The following LIN52 variants were observed in gnomAD, a reference collection of about 807,000 sequenced individuals.
LIN52 encodes the protein protein lin-52 homolog.
In LIN52, 4 loss-of-function variants were observed where a neutral mutation model predicts 18.5. The ratio of observed to expected loss-of-function variants is 0.22; its 90% CI spans 0.11 to 0.49. The LOEUF (loss-of-function observed/expected upper bound fraction) is 0.49, where lower values mean the gene tolerates loss of function less well. Ranked by LOEUF, LIN52 falls within the 20% of genes least tolerant of loss-of-function variation. The pLI is 0.97. For missense variants in LIN52, 102 were observed against 139.5 expected (o/e 0.73, Z 1.35); for synonymous variants, 34 against 45.5 (o/e 0.75, Z 1.02).
chr14:74,133,024 A>AC (rs1461333837), intron 5 of LIN52, among the ~76,000 whole-genome samples: 1 of 152,102 alleles, frequency 6.6e-6, no homozygotes, highest in African/African-American at 2.4e-5. Flanking sequence ...TAAAAAAAAA[A>AC]ACAACCCATT....
chr14:74,123,780 A>C (rs948995214), intron 5 of LIN52, among the ~76,000 whole-genome samples: 1 of 152,180 alleles, frequency 6.6e-6, no homozygotes, highest in Non-Finnish European at 1.5e-5. Context: ...CCAAAAGACC[A>C]TGGCTTCTGT....
intron 5 of LIN52, among the ~76,000 whole-genome samples, chr14:74,103,896 CTT>C (rs754478392): frequency 5.8e-5 from 8 of 138,912 alleles, no homozygotes; most frequent in Admixed American, 7.2e-5. Flanking sequence ...CTTTTTCTTT[CTT>C]TTTTTTTTTT....
chr14:74,103,733 G>GTTTTTTTTTTT (rs573188668), intron 5 of LIN52, among the ~76,000 whole-genome samples: 1 of 46,024 alleles, frequency 2.2e-5, no homozygotes, highest in Non-Finnish European at 4.0e-5. Context: ...GGCCTGGCCA[G>GTTTTTTTTTTT]TTTTTTTTTT....
At chr14:74,189,510 A>G (rs2061354643) in intron 5 of LIN52, among the ~76,000 whole-genome samples, 1 of 152,220 alleles carries the variant, frequency 6.6e-6, no homozygotes, top group African/African-American at 2.4e-5. Context: ...TCTCGAACAC[A>G]GATCTTTGGG....
At chr14:74,110,072 G>C (rs1595156665) in intron 5 of LIN52, among the ~76,000 whole-genome samples, 1 of 152,246 alleles carries the variant, frequency 6.6e-6, no homozygotes, top group East Asian at 1.9e-4. Flanking sequence ...GCTTTTTGTA[G>C]ATGTGCTTTA....
intron 5 of LIN52, 50 bp from the exon 6 acceptor site, chr14:74,198,872 T>C (rs780043746): frequency 1.3e-5 from 18 of 1,336,306 alleles, no homozygotes; most frequent in Non-Finnish European, 1.9e-5. Flanking sequence ...TATGATTCTT[T>C]TTTCCGATTT....
intron 5 of LIN52, among the ~76,000 whole-genome samples, chr14:74,128,842 G>A (rs2061043388): frequency 6.6e-6 from 1 of 152,088 alleles, no homozygotes; most frequent in African/African-American, 2.4e-5. Flanking sequence ...TACTCAGGAG[G>A]CTGAGGCATG....
At chr14:74,110,355 A>G (rs572347989) in intron 5 of LIN52, among the ~76,000 whole-genome samples, 1 of 152,098 alleles carries the variant, frequency 6.6e-6, no homozygotes, top group Non-Finnish European at 1.5e-5. Flanking sequence ...CGAAGACTCC[A>G]TTCTCTAAAA....
In LIN52 at chr14:74,093,882, G is replaced by T. The variant is rs536225719; in HGVS notation, c.95-2066G>T. 1.8e-4 allele frequency among the ~76,000 whole-genome samples: 27 copies of T among 151,958 alleles called. 1 individual carries two copies. The South Asian group carries it at 3.7e-3, about 21-fold the overall frequency. ...CTTGGGAGGCTGAGGCAGGAGAATC[G>T]CTTGAACCCGGGAGGCAGAGGTTGC... is the stretch of plus-strand genomic sequence containing the variant. On this transcript the variant is annotated intron_variant, in intron 2 of 5. Transcript: ENST00000555028.
At position 74,144,700 on chromosome 14, in the gene LIN52, A is replaced by G. The variant is rs75762310; in HGVS notation, c.283+43462A>G. ...CCAAGTTTGTGATAACTCATAGTGT[A>G]TCATTTTTCCTCTAAAATGTGGTAA... On this transcript the variant is annotated intron_variant, in intron 5 of 5. Coordinates refer to ENST00000555028, the MANE Select transcript of LIN52 (RefSeq NM_001024674.3). Among the ~76,000 whole-genome samples, 995 of 152,324 alleles carry G rather than the reference A, an allele frequency of 6.5e-3. 13 individuals carry two copies. Among genetic ancestry groups the G allele is most frequent in the African/African-American group, 0.023 (957 of 41,564 alleles).
chr14:74,186,261 C>A (rs1263894938), intron 5 of LIN52, among the ~76,000 whole-genome samples: 2 of 151,910 alleles, frequency 1.3e-5, no homozygotes, highest in African/African-American at 4.8e-5. Flanking sequence ...CACTGCACTC[C>A]AGCCTGGGTG....
At chr14:74,188,082 A>G (rs936175649) in intron 5 of LIN52, among the ~76,000 whole-genome samples, 8 of 152,380 alleles carry the variant, frequency 5.3e-5, no homozygotes, top group Middle Eastern at 6.8e-3. Context: ...AGTATTTTAA[A>G]TTAAATCCAT....
chr14:74,119,103 A>C (rs1335617138), intron 5 of LIN52, among the ~76,000 whole-genome samples: 1 of 152,056 alleles, frequency 6.6e-6, no homozygotes, highest in African/African-American at 2.4e-5. Context: ...GGTTATTACA[A>C]ATAAATACTG....
chr14:74,170,024 G>T (rs2061264059), intron 5 of LIN52, among the ~76,000 whole-genome samples: 1 of 152,220 alleles, frequency 6.6e-6, no homozygotes. Flanking sequence ...AGCAGTACTG[G>T]AATACGAAAG....
chr14:74,158,414 G>A (rs899048824), intron 5 of LIN52, among the ~76,000 whole-genome samples: 1 of 150,372 alleles, frequency 6.7e-6, no homozygotes, highest in Admixed American at 6.6e-5. Context: ...TGCGTGGCCC[G>A]CCCCCTACTG....
chr14:74,167,223 C>G (rs1258803015), intron 5 of LIN52, among the ~76,000 whole-genome samples: 1 of 150,728 alleles, frequency 6.6e-6, no homozygotes, highest in African/African-American at 2.4e-5. Context: ...ACAAATGTTC[C>G]TGGAGACAGG....
chr14:74,089,534 A>T (rs1248270812), intron 1 of LIN52, among the ~76,000 whole-genome samples: 1 of 151,710 alleles, frequency 6.6e-6, no homozygotes, highest in African/African-American at 2.4e-5. Flanking sequence ...CACCTGGCTA[A>T]TTTTTTTGCT....
intron 5 of LIN52, among the ~76,000 whole-genome samples, chr14:74,162,951 A>T (rs1182100035): frequency 6.6e-6 from 1 of 152,196 alleles, no homozygotes; most frequent in Non-Finnish European, 1.5e-5. Flanking sequence ...ACAGAATAGG[A>T]CTATACGAAT....
intron 5 of LIN52, among the ~76,000 whole-genome samples, chr14:74,132,270 G>A (rs989200097): frequency 1.3e-4 from 20 of 152,190 alleles, no homozygotes; most frequent in Admixed American, 1.3e-3. Context: ...AATAGTAACA[G>A]TGGATGTCTC....
Sources: allele counts gnomAD v4.1 joint callset (sites outside exome capture counted in the v4.1 genomes callset), GRCh38; gene constraint gnomAD v4.1.1; transcripts MANE v1.5; gene names NCBI Gene and HGNC (gene_info 2026-07-23, HGNC 2026-07-21).